Variants in FRK observed in about 807,000 individuals in gnomAD.
The protein encoded by FRK is fyn related Src family tyrosine kinase.
Under a neutral mutation model 56.4 loss-of-function variants are expected in FRK, and 51 were observed. The observed-to-expected ratio is 0.90, with a 90% CI of 0.72 to 1.14. The LOEUF is 1.14. FRK is among the 50% of genes most tolerant of loss of function. The pLI is 0.00. For missense variants in FRK, 570 were observed against 601.4 expected (o/e 0.95, Z 0.55); for synonymous variants, 245 against 217.9 (o/e 1.12, Z -1.10).
In FRK at chr6:115,941,142, AC is replaced by A; in HGVS notation, c.*1271del. 6.6e-6 allele frequency: 1 copy of A among 152,234 alleles called. No individual in the cohort carries two copies. The highest frequency in any genetic ancestry group is 1.5e-5 in the Non-Finnish European group (1 of 68,040). The allele number at this position is 152,234 out of a possible 1,614,324, so 9.4% of individuals were successfully genotyped here. ...GATAAAGAAAATGTGGCACATAGAC[AC>A]TATGGAATACTATGCAGCCATAAAA... On this transcript the variant is annotated 3_prime_UTR_variant, in exon 8 of 8. Transcript: ENST00000606080.
intron 1 of FRK, among the ~76,000 whole-genome samples, chr6:116,008,160 G>A (rs1242951986): frequency 6.6e-6 from 1 of 152,088 alleles, no homozygotes; most frequent in Non-Finnish European, 1.5e-5. Flanking sequence ...TATAAATGAT[G>A]TGTTTCCTCT....
intron 1 of FRK, among the ~76,000 whole-genome samples, chr6:116,014,251 T>C (rs1317909884): frequency 6.6e-6 from 1 of 152,106 alleles, no homozygotes; most frequent in African/African-American, 2.4e-5. Context: ...AAAAGAAGGG[T>C]ATATAACTTT....
At chr6:116,022,144 C>T (rs1192390756) in intron 1 of FRK, among the ~76,000 whole-genome samples, 1 of 151,706 alleles carries the variant, frequency 6.6e-6, no homozygotes, top group Non-Finnish European at 1.5e-5. Context: ...TATTAATAAC[C>T]CTATATTTTT....
the FRK span, among the ~76,000 whole-genome samples, chr6:116,069,900 GC>G: frequency 2.6e-5 from 4 of 151,984 alleles, no homozygotes; most frequent in African/African-American, 9.7e-5. Context: ...TTTTTAACAA[GC>G]TCCCAGGTGA....
chr6:116,003,852 G>A (rs755959595), intron 2 of FRK, 25 bp downstream of exon 2: 1 of 1,611,600 alleles, frequency 6.2e-7, no homozygotes, highest in South Asian at 1.1e-5. Context: ...AGCTCATATT[G>A]AATGACACAA....
At chr6:116,066,754 T>C in the FRK span, among the ~76,000 whole-genome samples, 2 of 152,182 alleles carry the variant, frequency 1.3e-5, no homozygotes, top group Non-Finnish European at 2.9e-5. Flanking sequence ...TTTCTGACCA[T>C]GGATTCTTTC....
chr6:115,956,598 G>A lies in FRK; in HGVS notation c.812C>T (p.Pro271Leu). Residue 271 changes from proline (P) to leucine (L), a missense_variant, in exon 5 of 8, where the codon CCA becomes CTA. Physicochemically the swap from Pro to Leu is moderately conservative, Grantham distance 98 (BLOSUM62 -3). Coordinates refer to ENST00000606080, the MANE Select transcript of FRK (RefSeq NM_002031.3). ...CTGTGCCTCCCTCAGGAAGTCATTT[G>A]GATCCATTGAACCTGAAACAAGAAG... ...VKTLKPGSMD[P>L]NDFLREAQIM... is the part of the protein sequence containing the mutation. The A allele has an allele frequency of 6.4e-7, 1 of 1,561,552 alleles. No homozygotes were observed. Among genetic ancestry groups the A allele is most frequent in the Non-Finnish European group, 8.7e-7 (1 of 1,155,090 alleles).
At position 115,936,206 on chromosome 6, in the gene FRK, TG is replaced by T; in HGVS notation, c.*6207del. The T allele has an allele frequency of 6.4e-6, 1 of 155,376 alleles. No individual in the cohort carries two copies. Among genetic ancestry groups the T allele is most frequent in the Non-Finnish European group, 1.4e-5 (1 of 70,610 alleles). The allele number at this position is 155,376 out of a possible 1,614,324, so 9.6% of individuals were successfully genotyped here. On this transcript the variant is annotated 3_prime_UTR_variant, in exon 8 of 8. Transcript: ENST00000606080. ...TCGTGACACCAAGGCAAACAGCATC[TG>T]GAGTGGACCTCCAGCAAACTCCAGC...
At chr6:115,979,045 C>A (rs551124690) in intron 2 of FRK, among the ~76,000 whole-genome samples, 2 of 145,834 alleles carry the variant, frequency 1.4e-5, no homozygotes, top group Admixed American at 7.0e-5. Flanking sequence ...CAGAGTGAGA[C>A]TCTGTCTCAA....
intron 1 of FRK, among the ~76,000 whole-genome samples, chr6:116,014,627 A>G (rs778625878): frequency 2.9e-4 from 44 of 152,220 alleles, no homozygotes; most frequent in Admixed American, 1.7e-3. Context: ...AACTAACTCC[A>G]TGGAAGAAGT....
At chr6:116,076,790 AGTGCCC>A in the FRK span, among the ~76,000 whole-genome samples, 1 of 152,226 alleles carries the variant, frequency 6.6e-6, no homozygotes, top group Non-Finnish European at 1.5e-5. Flanking sequence ...TTGTTCCATG[AGTGCCC>A]TATGCACTGA....
chr6:115,985,765 T>C lies in FRK; in HGVS notation c.467-17026A>G, dbSNP rs568541423. On this transcript the variant is annotated intron_variant, in intron 2 of 7. Coordinates refer to ENST00000606080, the MANE Select transcript of FRK (RefSeq NM_002031.3). ...CAACCAATAACGTAGACAGGACTGA[T>C]GCTACAACTATTTTATAGATGATGA... Among the ~76,000 whole-genome samples, 9 of 152,118 alleles carry C rather than the reference T, an allele frequency of 5.9e-5. No homozygotes were observed. In the South Asian group the frequency reaches 1.9e-3, roughly 32 times the overall value.
At chr6:116,044,905 T>A (rs1776878436) in intron 1 of FRK, among the ~76,000 whole-genome samples, 1 of 152,222 alleles carries the variant, frequency 6.6e-6, no homozygotes, top group South Asian at 2.1e-4. Flanking sequence ...AAAATCAATG[T>A]GCAAAATTCA....
At chr6:115,948,537 T>C (rs1320096106) in intron 5 of FRK, among the ~76,000 whole-genome samples, 1 of 152,248 alleles carries the variant, frequency 6.6e-6, no homozygotes, top group Non-Finnish European at 1.5e-5. Flanking sequence ...AGTTTTCTTG[T>C]AGGTTTATCT....
chr6:116,028,820 T>C (rs972451509), intron 1 of FRK, among the ~76,000 whole-genome samples: 2 of 152,116 alleles, frequency 1.3e-5, no homozygotes, highest in African/African-American at 4.8e-5. Context: ...GACTTCCACA[T>C]AAAGACTTTG....
intron 2 of FRK, among the ~76,000 whole-genome samples, chr6:115,977,308 T>C (rs1424241703): frequency 6.6e-6 from 1 of 152,144 alleles, no homozygotes; most frequent in Non-Finnish European, 1.5e-5. Flanking sequence ...ATTATTAAAG[T>C]GCCATCACGT....
chr6:116,063,613 G>A (rs1258135528), upstream of FRK, among the ~76,000 whole-genome samples: 1 of 152,110 alleles, frequency 6.6e-6, no homozygotes, highest in Non-Finnish European at 1.5e-5. Context: ...CAGTTAGACA[G>A]GAGGAATAAA....
chr6:115,957,168 A>T (rs974801540), intron 4 of FRK, among the ~76,000 whole-genome samples: 4 of 152,212 alleles, frequency 2.6e-5, no homozygotes, highest in Non-Finnish European at 5.9e-5. Context: ...CACATGTTTT[A>T]TATGTTCAAC....
chr6:116,060,007 G>A lies in FRK; in HGVS notation c.305C>T (p.Ser102Phe). 6.2e-7 allele frequency: 1 copy of A among 1,614,186 alleles called. No homozygotes were observed. Among genetic ancestry groups the A allele is most frequent in the South Asian group, 1.1e-5 (1 of 91,084 alleles). ...SSQQLQGYIP[S>F]NYVAEDRSLQ... ...GCTTCTGTCCTCAGCCACGTAGTTA[G>A]AAGGAATATAGCCTTGTAGTTGCTG... The change falls in exon 1 of 8, where the codon TCT becomes TTT. Residue 102 changes from serine to phenylalanine, a missense_variant. Transcript: ENST00000606080.
Sources: gnomAD v4.1 joint callset for allele counts (sites outside exome capture counted in the v4.1 genomes callset) on GRCh38, gnomAD v4.1.1 for gene constraint, MANE v1.5 for transcripts, NCBI Gene and HGNC (gene_info 2026-07-23, HGNC 2026-07-21) for gene names.